Variants in KHDRBS2 observed in about 807,000 individuals in gnomAD.
The protein encoded by KHDRBS2 is KH domain-containing, RNA-binding, signal transduction-associated protein 2.
KHDRBS2 carries 26 observed loss-of-function variants against 44.3 expected under a neutral mutation model. That is an observed-to-expected ratio of 0.59 (90% CI 0.43 to 0.81). KHDRBS2 has a LOEUF of 0.81. Among genes scored for constraint, KHDRBS2 ranks in the 40% least tolerant of loss-of-function variants. The pLI, the probability that KHDRBS2 is intolerant of heterozygous loss-of-function variation, is 0.00. For synonymous variants in KHDRBS2, 194 were observed against 151.1 expected (o/e 1.28, Z -2.08); for missense variants, 476 against 433.1 (o/e 1.10, Z -0.88).
chr6:61,760,761 G>A (rs1404855913), intron 6 of KHDRBS2, among the ~76,000 whole-genome samples: 1 of 152,138 alleles, frequency 6.6e-6, no homozygotes, highest in Non-Finnish European at 1.5e-5. Flanking sequence ...CCGAATCACA[G>A]AAATTGATAG....
At chr6:61,678,712 C>A (rs989857541), downstream of KHDRBS2, among the ~76,000 whole-genome samples, 2 of 151,926 alleles carry the variant, frequency 1.3e-5, no homozygotes, top group African/African-American at 4.8e-5. Context: ...TAAATCATGC[C>A]ACTTTATTTC....
At chr6:61,971,101 T>C (rs1310516397) in intron 4 of KHDRBS2, among the ~76,000 whole-genome samples, 1 of 152,158 alleles carries the variant, frequency 6.6e-6, no homozygotes, top group Non-Finnish European at 1.5e-5. Flanking sequence ...AGCCAAGTCC[T>C]ATTTGTATCA....
chr6:62,133,389 C>T (rs901472749), intron 2 of KHDRBS2, among the ~76,000 whole-genome samples: 1 of 152,158 alleles, frequency 6.6e-6, no homozygotes, highest in Non-Finnish European at 1.5e-5. Flanking sequence ...CTCTCTTTGC[C>T]TGCTGTCATG....
chr6:61,714,489 C>T (rs1159525259), intron 7 of KHDRBS2, among the ~76,000 whole-genome samples: 5 of 151,728 alleles, frequency 3.3e-5, no homozygotes, highest in Non-Finnish European at 7.4e-5. Context: ...GTAGATTTCT[C>T]AAAGAACTAA....
intron 4 of KHDRBS2, among the ~76,000 whole-genome samples, chr6:61,923,954 A>C (rs1400061128): frequency 6.6e-6 from 1 of 152,138 alleles, no homozygotes. Flanking sequence ...TAAATTCATC[A>C]ATGAAAAATA....
At chr6:62,070,674 A>C (rs1562784891) in intron 2 of KHDRBS2, among the ~76,000 whole-genome samples, 2 of 152,020 alleles carry the variant, frequency 1.3e-5, no homozygotes, top group Admixed American at 6.6e-5. Flanking sequence ...TGAACTCATC[A>C]TTTTTTATGG....
chr6:61,712,089 G>A (rs1371410197), intron 7 of KHDRBS2, among the ~76,000 whole-genome samples: 2 of 151,682 alleles, frequency 1.3e-5, no homozygotes, highest in African/African-American at 4.8e-5. Context: ...CAGGCACATG[G>A]GGGAGCTCTT....
intron 6 of KHDRBS2, among the ~76,000 whole-genome samples, chr6:61,823,392 T>A (rs1245417996): frequency 1.3e-5 from 2 of 152,082 alleles, no homozygotes; most frequent in Admixed American, 1.3e-4. Context: ...TTGCAGAATA[T>A]CATTGCTATT....
intron 6 of KHDRBS2, among the ~76,000 whole-genome samples, chr6:61,776,480 C>T (rs1459214720): frequency 1.3e-5 from 2 of 152,122 alleles, no homozygotes; most frequent in African/African-American, 4.8e-5. Context: ...GGGCAAAAGA[C>T]ATGAACAGAC....
intron 4 of KHDRBS2, among the ~76,000 whole-genome samples, chr6:61,917,895 T>C (rs1807312554): frequency 6.6e-6 from 1 of 151,990 alleles, no homozygotes; most frequent in African/African-American, 2.4e-5. Context: ...TGAAACAGCC[T>C]ATTCAAGATT....
At chr6:61,941,197 A>T (rs1018667167) in intron 4 of KHDRBS2, among the ~76,000 whole-genome samples, 17 of 152,026 alleles carry the variant, frequency 1.1e-4, no homozygotes, top group Admixed American at 1.1e-3. Context: ...CTCCAGGGGG[A>T]CCTGAGGTTG....
intron 1 of KHDRBS2, among the ~76,000 whole-genome samples, chr6:62,279,143 C>T (rs912121042): frequency 2.0e-5 from 3 of 151,868 alleles, no homozygotes; most frequent in African/African-American, 7.2e-5. Context: ...CAGACACACA[C>T]AAAGCCTCAA....
chr6:61,838,728 T>A (rs1793109907), intron 6 of KHDRBS2, among the ~76,000 whole-genome samples: 1 of 152,010 alleles, frequency 6.6e-6, no homozygotes, highest in Non-Finnish European at 1.5e-5. Flanking sequence ...CAAGCCAACT[T>A]GCTATCATCC....
At chr6:61,581,865 G>A in the KHDRBS2 span, among the ~76,000 whole-genome samples, 1 of 151,266 alleles carries the variant, frequency 6.6e-6, no homozygotes, top group South Asian at 2.1e-4. Flanking sequence ...AAGTGCTCAT[G>A]AATCTTCAAA....
chr6:61,613,064 T>G, the KHDRBS2 span, among the ~76,000 whole-genome samples: 1 of 152,014 alleles, frequency 6.6e-6, no homozygotes, highest in African/African-American at 2.4e-5. Context: ...ATATTAGCCA[T>G]GATGGTCTCC....
intron 6 of KHDRBS2, among the ~76,000 whole-genome samples, chr6:61,848,465 G>A (rs1320610767): frequency 1.0e-5 from 1 of 95,702 alleles, no homozygotes; most frequent in Non-Finnish European, 2.0e-5. Flanking sequence ...GAGAAATGGA[G>A]GTTTTATATA....
At chr6:61,993,674 T>TATATATATA (rs58974944) in intron 3 of KHDRBS2, among the ~76,000 whole-genome samples, 20 of 84,300 alleles carry the variant, frequency 2.4e-4, no homozygotes, top group South Asian at 8.1e-4. Flanking sequence ...TATATATATA[T>TATATATATA]TTTTTTTTTT....
chr6:61,558,388 C>G, the KHDRBS2 span, among the ~76,000 whole-genome samples: 14 of 151,824 alleles, frequency 9.2e-5, no homozygotes, highest in East Asian at 7.8e-4. Flanking sequence ...ATGGCAAAAC[C>G]CTGTCTCTAA....
chr6:61,993,837 T>TTAATGTTATCTGC (rs1489584114), intron 3 of KHDRBS2, among the ~76,000 whole-genome samples: 1 of 151,696 alleles, frequency 6.6e-6, no homozygotes, highest in Non-Finnish European at 1.5e-5. Context: ...TTGTAATAGG[T>TTAATGTTATCTGC]TAATGTTATC....
Sources: allele counts gnomAD v4.1 joint callset (sites outside exome capture counted in the v4.1 genomes callset), GRCh38; gene constraint gnomAD v4.1.1; transcripts MANE v1.5; gene names NCBI Gene and HGNC (gene_info 2026-07-23, HGNC 2026-07-21).